The following PTBP3 variants were observed in gnomAD, a reference collection of about 807,000 sequenced individuals.
The protein encoded by PTBP3 is polypyrimidine tract binding protein 3.
A neutral mutation model predicts 58.7 loss-of-function variants in PTBP3; 20 were observed. The ratio of observed to expected loss-of-function variants is 0.34; its 90% confidence interval spans 0.24 to 0.50. PTBP3 has a LOEUF of 0.50. PTBP3 is among the 20% of genes least tolerant of loss of function. The pLI is 0.98. For missense variants in PTBP3, 509 were observed against 637.2 expected, an observed-to-expected ratio of 0.80 and a Z score of 2.17; for synonymous variants, 185 against 219.8, an observed-to-expected ratio of 0.84 and a Z score of 1.40.
chr9:112,299,534 C>T (rs1828825782), intron 1 of PTBP3, among the ~76,000 whole-genome samples: 1 of 152,144 alleles, frequency 6.6e-6, no homozygotes, highest in South Asian at 2.1e-4. Flanking sequence ...CACTAGAAAT[C>T]AGTAAGAAAA....
chr9:112,374,504 C>T, the PTBP3 span, among the ~76,000 whole-genome samples: 3 of 152,214 alleles, frequency 2.0e-5, no homozygotes, highest in African/African-American at 7.2e-5. Flanking sequence ...GCATACACAA[C>T]CTTCTGGAGA....
At chr9:112,310,414 A>G (rs1829425756) in intron 1 of PTBP3, among the ~76,000 whole-genome samples, 1 of 152,248 alleles carries the variant, frequency 6.6e-6, no homozygotes, top group African/African-American at 2.4e-5. Flanking sequence ...TCAAAAAGAC[A>G]TTCATTTGTA....
Position 112,278,309 on chromosome 9 carries a change from G to A in PTBP3, c.35-2296C>T, listed in dbSNP as rs137999529. On this transcript the variant is annotated intron_variant, in intron 2 of 13. Transcript: ENST00000374257. ...AACAACAAACATCAGAGTCCTGGACGGGGGCGAGAGTTGAACAGGGAATGT... is the reference window on the plus strand; with the variant it reads ...AACAACAAACATCAGAGTCCTGGACAGGGGCGAGAGTTGAACAGGGAATGT... 7.4e-4 allele frequency among the ~76,000 whole-genome samples: 112 copies of A among 152,272 alleles called. 1 individual carries two copies. In the South Asian group the frequency reaches 0.014, roughly 19 times the overall value.
chr9:112,328,556 C>T (rs954449800), intron 1 of PTBP3, among the ~76,000 whole-genome samples: 2 of 152,214 alleles, frequency 1.3e-5, no homozygotes, highest in Non-Finnish European at 2.9e-5. Flanking sequence ...ATCTTTAGGG[C>T]AGGCACAGTG....
At chr9:112,372,789 C>G in the PTBP3 span, among the ~76,000 whole-genome samples, 1 of 151,984 alleles carries the variant, frequency 6.6e-6, no homozygotes, top group Non-Finnish European at 1.5e-5. Flanking sequence ...ATGCATATAC[C>G]ATATTGTGTT....
chr9:112,262,943 T>C (rs1836658618), intron 4 of PTBP3, among the ~76,000 whole-genome samples: 1 of 152,128 alleles, frequency 6.6e-6, no homozygotes, highest in African/African-American at 2.4e-5. Flanking sequence ...CATGGGATGT[T>C]TACACCCAAA....
chr9:112,276,618 G>C (rs1311044019), intron 2 of PTBP3, among the ~76,000 whole-genome samples: 1 of 151,818 alleles, frequency 6.6e-6, no homozygotes, highest in East Asian at 1.9e-4. Flanking sequence ...GCTGAAAATG[G>C]AAATTTCCAA....
At chr9:112,333,820 G>C (rs1235857803), upstream of PTBP3, among the ~76,000 whole-genome samples, 2 of 149,086 alleles carry the variant, frequency 1.3e-5, no homozygotes, top group African/African-American at 4.9e-5. Flanking sequence ...CTCTTCCCGC[G>C]GTCGCTGTAA....
chr9:112,334,951 A>G (rs1234777607), upstream of PTBP3, among the ~76,000 whole-genome samples: 5 of 152,206 alleles, frequency 3.3e-5, no homozygotes, highest in Admixed American at 3.3e-4. Flanking sequence ...TGTCAAATAC[A>G]TTTTGTTTTG....
intron 7 of PTBP3, among the ~76,000 whole-genome samples, chr9:112,240,047 A>G (rs1001800515): frequency 6.6e-6 from 1 of 152,122 alleles, no homozygotes; most frequent in Non-Finnish European, 1.5e-5. Context: ...AATATGTTTG[A>G]CAAACAATAG....
intron 3 of PTBP3, among the ~76,000 whole-genome samples, chr9:112,270,545 T>C (rs1827334462): frequency 7.1e-6 from 1 of 141,480 alleles, no homozygotes; most frequent in Non-Finnish European, 1.5e-5. Context: ...TTTCCCAAGA[T>C]AAGAATCATA....
At chr9:112,299,412 T>C (rs1306582109) in intron 1 of PTBP3, among the ~76,000 whole-genome samples, 1 of 152,116 alleles carries the variant, frequency 6.6e-6, no homozygotes, top group Non-Finnish European at 1.5e-5. Context: ...AAAGACATCA[T>C]TAGGAGAATA....
chr9:112,229,765 C>A (rs1239160872), intron 10 of PTBP3, among the ~76,000 whole-genome samples: 1 of 152,076 alleles, frequency 6.6e-6, no homozygotes, highest in Non-Finnish European at 1.5e-5. Context: ...GAGATGGGGT[C>A]TCACTATCTG....
At chr9:112,333,649 C>CCGCCACCGCCG (rs1226006763), upstream of PTBP3, 2 of 603,976 alleles carry the variant, frequency 3.3e-6, no homozygotes, top group African/African-American at 3.9e-5. Context: ...GGGCACGCTC[C>CCGCCACCGCCG]CGCCACCGCC....
chr9:112,340,832 C>T, the PTBP3 span, among the ~76,000 whole-genome samples: 11 of 150,862 alleles, frequency 7.3e-5, no homozygotes, highest in African/African-American at 9.8e-5. Flanking sequence ...GCCGAGATCG[C>T]GCCATTGCAC....
chr9:112,324,104 G>A (rs1399813349), intron 1 of PTBP3, among the ~76,000 whole-genome samples: 1 of 151,346 alleles, frequency 6.6e-6, no homozygotes, highest in Non-Finnish European at 1.5e-5. Context: ...AAAAGAAAGT[G>A]AAGTGAAATA....
chr9:112,251,209 C>A, intron 6 of PTBP3, 106 bp from the exon 7 acceptor site: 1 of 932,756 alleles, frequency 1.1e-6, no homozygotes, highest in African/African-American at 1.7e-5. Context: ...GCAGAAAGCA[C>A]TGACTAAAAA....
chr9:112,376,795 G>A, the PTBP3 span, among the ~76,000 whole-genome samples: 1 of 152,062 alleles, frequency 6.6e-6, no homozygotes, highest in Admixed American at 6.6e-5. Flanking sequence ...CAGATTAAGG[G>A]TGGGTCTGCC....
intron 1 of PTBP3, among the ~76,000 whole-genome samples, chr9:112,331,841 T>C (rs144087513): frequency 6.6e-6 from 1 of 152,344 alleles, no homozygotes; most frequent in East Asian, 1.9e-4. Flanking sequence ...ACAGTTATCC[T>C]ACAGTTTAAC....
Sources: allele counts gnomAD v4.1 joint callset (sites outside exome capture counted in the v4.1 genomes callset), GRCh38; gene constraint gnomAD v4.1.1; transcripts MANE v1.5; gene names NCBI Gene and HGNC (gene_info 2026-07-23, HGNC 2026-07-21).